Variants in FAM168A observed in about 807,000 individuals in gnomAD.
The protein encoded by FAM168A is family with sequence similarity 168 member A, also known as protein FAM168A.
In FAM168A, 3 loss-of-function variants were observed where a neutral mutation model predicts 28.5. The ratio of observed to expected loss-of-function variants is 0.11; its 90% CI spans 0.05 to 0.27. The LOEUF is 0.27. FAM168A is among the 10% of genes least tolerant of loss of function. FAM168A has a pLI of 1.00. For missense variants in FAM168A, 222 were observed against 311.5 expected, an observed-to-expected ratio of 0.71 and a Z score of 2.16; for synonymous variants, 122 against 124.2, an observed-to-expected ratio of 0.98 and a Z score of 0.12.
intron 1 of FAM168A, among the ~76,000 whole-genome samples, chr11:73,576,068 C>T (rs891959912): frequency 6.6e-6 from 1 of 152,132 alleles, no homozygotes; most frequent in African/African-American, 2.4e-5. Context: ...AATTAAATTT[C>T]AATTTTCATC....
intron 1 of FAM168A, among the ~76,000 whole-genome samples, chr11:73,484,516 A>ATCTATATC (rs1491171241): frequency 0.25 from 35,137 of 141,708 alleles, 4,829 homozygotes; most frequent in South Asian, 0.34. Context: ...AGATATATAT[A>ATCTATATC]GATATATATA....
chr11:73,556,317 C>A (rs970095682), intron 1 of FAM168A, among the ~76,000 whole-genome samples: 5 of 151,526 alleles, frequency 3.3e-5, no homozygotes, highest in Non-Finnish European at 7.4e-5. Context: ...CCACTGCAGT[C>A]CCTCCTGGAT....
chr11:73,430,810 A>AC, intron 2 of FAM168A, 40 bp from the exon 3 acceptor site: 2 of 1,484,016 alleles, frequency 1.3e-6, no homozygotes, highest in African/African-American at 2.9e-5. Context: ...GTTAGGCAAA[A>AC]AAAACAAAAC....
At chr11:73,519,147 T>C (rs999802621) in intron 1 of FAM168A, among the ~76,000 whole-genome samples, 1 of 152,182 alleles carries the variant, frequency 6.6e-6, no homozygotes, top group African/African-American at 2.4e-5. Flanking sequence ...TCTACCACAA[T>C]GTGATCTTGC....
intron 1 of FAM168A, among the ~76,000 whole-genome samples, chr11:73,473,355 TG>T (rs1479477218): frequency 6.6e-6 from 1 of 152,176 alleles, no homozygotes; most frequent in Non-Finnish European, 1.5e-5. Flanking sequence ...GGTTCGCCTC[TG>T]GAACAGTAGG....
At chr11:73,587,289 G>A (rs1565309878) in intron 1 of FAM168A, among the ~76,000 whole-genome samples, 1 of 151,822 alleles carries the variant, frequency 6.6e-6, no homozygotes, top group Non-Finnish European at 1.5e-5. Context: ...TCAGGAGTTC[G>A]AGACCAGCCT....
intron 3 of FAM168A, among the ~76,000 whole-genome samples, chr11:73,423,055 C>T (rs1315518138): frequency 2.6e-5 from 4 of 152,212 alleles, no homozygotes; most frequent in Non-Finnish European, 5.9e-5. Flanking sequence ...AGTTACTTAA[C>T]CTTTCTAAAC....
intron 2 of FAM168A, among the ~76,000 whole-genome samples, chr11:73,434,221 AC>A (rs1867049393): frequency 6.6e-6 from 1 of 152,150 alleles, no homozygotes; most frequent in East Asian, 1.9e-4. Flanking sequence ...TGGTTTAGGG[AC>A]TTTTGTCAGT....
intron 1 of FAM168A, among the ~76,000 whole-genome samples, chr11:73,568,181 T>C (rs964760738): frequency 6.6e-6 from 1 of 152,156 alleles, no homozygotes; most frequent in East Asian, 1.9e-4. Flanking sequence ...AAGAGTTGGA[T>C]TGATGTGTGC....
intron 1 of FAM168A, among the ~76,000 whole-genome samples, chr11:73,519,366 C>G (rs115495062): frequency 0.013 from 2,020 of 152,268 alleles, 45 homozygotes; most frequent in African/African-American, 0.045. Context: ...TGTCAGGCCC[C>G]AGACATTGTG....
At chr11:73,438,255 A>C (rs1268856089) in intron 2 of FAM168A, among the ~76,000 whole-genome samples, 2 of 152,262 alleles carry the variant, frequency 1.3e-5, no homozygotes, top group Non-Finnish European at 2.9e-5. Context: ...CTCTAGCAGT[A>C]ATATATGTAA....
At chr11:73,497,821 C>T (rs1031014298) in intron 1 of FAM168A, among the ~76,000 whole-genome samples, 7 of 152,126 alleles carry the variant, frequency 4.6e-5, no homozygotes, top group African/African-American at 1.4e-4. Context: ...TTAATGGGTA[C>T]AGCAAACCAA....
intron 1 of FAM168A, among the ~76,000 whole-genome samples, chr11:73,565,007 T>A (rs1944005696): frequency 6.6e-6 from 1 of 152,148 alleles, no homozygotes; most frequent in Non-Finnish European, 1.5e-5. Context: ...TGATTCCCTA[T>A]CAAGAGCTCT....
intron 1 of FAM168A, among the ~76,000 whole-genome samples, chr11:73,566,607 C>A (rs1160286429): frequency 6.6e-6 from 1 of 152,054 alleles, no homozygotes; most frequent in East Asian, 1.9e-4. Context: ...GGAAGCAACT[C>A]AGGAAATATG....
At chr11:73,551,194 G>A (rs1290748938) in intron 1 of FAM168A, among the ~76,000 whole-genome samples, 1 of 152,138 alleles carries the variant, frequency 6.6e-6, no homozygotes, top group Non-Finnish European at 1.5e-5. Flanking sequence ...AAGTTAAGGG[G>A]TTTGAATTTT....
chr11:73,535,262 A>C (rs375082229), intron 1 of FAM168A, among the ~76,000 whole-genome samples: 23 of 151,916 alleles, frequency 1.5e-4, no homozygotes, highest in African/African-American at 5.1e-4. Flanking sequence ...TAATAAACTC[A>C]GTAATTTGGG....
chr11:73,488,695 A>G (rs1868087709), intron 1 of FAM168A, among the ~76,000 whole-genome samples: 1 of 152,150 alleles, frequency 6.6e-6, no homozygotes, highest in Admixed American at 6.6e-5. Context: ...GTGGTACACT[A>G]GATTCCATTC....
intron 2 of FAM168A, among the ~76,000 whole-genome samples, chr11:73,447,867 C>T (rs1321637710): frequency 1.3e-5 from 2 of 152,134 alleles, no homozygotes; most frequent in Non-Finnish European, 2.9e-5. Context: ...ACTTCAGATT[C>T]AGAGACAGAC....
chr11:73,489,727 T>C (rs1349348642), intron 1 of FAM168A, among the ~76,000 whole-genome samples: 1 of 152,124 alleles, frequency 6.6e-6, no homozygotes, highest in African/African-American at 2.4e-5. Context: ...CCTGGGCTGG[T>C]CTTGAATCCC....
Sources: allele counts gnomAD v4.1 joint callset (sites outside exome capture counted in the v4.1 genomes callset), GRCh38; gene constraint gnomAD v4.1.1; transcripts MANE v1.5; gene names NCBI Gene and HGNC (gene_info 2026-07-23, HGNC 2026-07-21).